Variants in AGBL1 observed in about 807,000 individuals in gnomAD.
The protein encoded by AGBL1 is AGBL carboxypeptidase 1.
Under a neutral mutation model 118.9 loss-of-function variants are expected in AGBL1, and 130 were observed. The ratio of observed to expected loss-of-function variants is 1.09; its 90% CI spans 0.95 to 1.26. The LOEUF (loss-of-function observed/expected upper bound fraction) is 1.26. Ranked by LOEUF, AGBL1 falls within the 50% of genes most tolerant of loss-of-function variation. The pLI, the probability that AGBL1 is intolerant of heterozygous loss-of-function variation, is 0.00. For missense variants in AGBL1, 1,584 were observed against 1,298.1 expected, an observed-to-expected ratio of 1.22 and a Z score of -3.38; for synonymous variants, 555 against 478.9, an observed-to-expected ratio of 1.16 and a Z score of -2.08.
intron 18 of AGBL1, among the ~76,000 whole-genome samples, chr15:86,457,085 A>G (rs2142078894): frequency 6.6e-6 from 1 of 152,260 alleles, no homozygotes; most frequent in East Asian, 1.9e-4. Context: ...CCACATTCGA[A>G]AAAAATTTCA....
rs535707426 is a variant in AGBL1 at position 86,286,735 on chromosome 15, G to GTATATATATATATATA, written c.2220+6966_2220+6967insTATATATATATATATA. Among the ~76,000 whole-genome samples the GTATATATATATATATA allele has an allele frequency of 4.1e-4, 44 of 106,292 alleles. 1 individual carries two copies. The highest frequency in any genetic ancestry group is 1.3e-3 in the African/African-American group (34 of 25,768). The allele number at this position is 106,292 out of a possible 152,430, so 69.7% of individuals were successfully genotyped here. On this transcript the variant is annotated intron_variant, in intron 16 of 22. Coordinates refer to ENST00000614907, the MANE Select transcript of AGBL1 (RefSeq NM_001386094.1). ...TATATGTGTGTGTGTGTTTGTGTGTGTATATATATATATAAAACTCCATCA... is the reference window on the plus strand; with the variant it reads ...TATATGTGTGTGTGTGTTTGTGTGTGTATATATATATATATATATATATATATATAAAACTCCATCA...
intron 23 of AGBL1, among the ~76,000 whole-genome samples, chr15:86,964,967 T>A (rs1040737744): frequency 3.9e-5 from 6 of 152,202 alleles, no homozygotes; most frequent in African/African-American, 1.4e-4. Context: ...GAACTCATCC[T>A]TTTTTACAGC....
intron 21 of AGBL1, among the ~76,000 whole-genome samples, chr15:86,576,033 A>T (rs1424161016): frequency 1.3e-5 from 2 of 152,248 alleles, no homozygotes; most frequent in Non-Finnish European, 2.9e-5. Context: ...AAATTAGTGA[A>T]ATAAACAATT....
chr15:86,718,025 C>T (rs1177857203), intron 22 of AGBL1, among the ~76,000 whole-genome samples: 3 of 152,058 alleles, frequency 2.0e-5, no homozygotes, highest in Non-Finnish European at 4.4e-5. Flanking sequence ...TTGCAGTAAG[C>T]CAACATTGTG....
At chr15:86,452,180 C>G (rs1282654439) in intron 18 of AGBL1, among the ~76,000 whole-genome samples, 4 of 152,114 alleles carry the variant, frequency 2.6e-5, no homozygotes, top group African/African-American at 9.7e-5. Flanking sequence ...TCCCTGTTCC[C>G]CATTATAGGC....
intron 23 of AGBL1, among the ~76,000 whole-genome samples, chr15:86,977,198 A>G (rs1393582960): frequency 6.6e-6 from 1 of 151,994 alleles, no homozygotes; most frequent in Non-Finnish European, 1.5e-5. Flanking sequence ...TCCATCAAAT[A>G]TCACTTATAT....
At chr15:86,941,181 T>C (rs542512803) in intron 23 of AGBL1, among the ~76,000 whole-genome samples, 2 of 152,336 alleles carry the variant, frequency 1.3e-5, no homozygotes, top group East Asian at 3.9e-4. Flanking sequence ...TGAATGGATA[T>C]ATTTGAAGAG....
chr15:86,926,181 G>T (rs538512502), intron 23 of AGBL1, among the ~76,000 whole-genome samples: 1 of 151,330 alleles, frequency 6.6e-6, no homozygotes, highest in Non-Finnish European at 1.5e-5. Flanking sequence ...TTCTCTTTAG[G>T]TCTGTAAGCC....
intron 1 of AGBL1, among the ~76,000 whole-genome samples, chr15:86,086,098 C>T (rs540647530): frequency 1.1e-4 from 17 of 152,286 alleles, no homozygotes; most frequent in Admixed American, 5.9e-4. Context: ...CAACAGCGAC[C>T]CACGCCTACA....
Position 86,264,568 on chromosome 15 carries a change from A to T in AGBL1, c.1397A>T (p.Asp466Val). ...GACATTCAGGCTTCCCCGAAAGCAG[A>T]TGCCTGGGACGTAGATGCAATTTTC... ...IPDIQASPKA[D>V]AWDVDAIFCP... Residue 466 changes from aspartate (D) to valine (V), a missense_variant, in exon 11 of 23, where the codon GAT (aspartate) becomes GTT (valine). Coordinates refer to ENST00000614907, the MANE Select transcript of AGBL1 (RefSeq NM_001386094.1). The T allele has an allele frequency of 2.5e-6, 4 of 1,614,036 alleles. No individual in the cohort carries two copies. Among genetic ancestry groups the T allele is most frequent in the Non-Finnish European group, 3.4e-6 (4 of 1,179,886 alleles).
chr15:86,817,589 CACACAG>C (rs1358927807), intron 22 of AGBL1, among the ~76,000 whole-genome samples: 1 of 148,410 alleles, frequency 6.7e-6, no homozygotes, highest in Non-Finnish European at 1.5e-5. Context: ...CACACACACA[CACACAG>C]AGGAGAGAGA....
At chr15:87,007,179 CAG>C (rs1188771646) in intron 24 of AGBL1, among the ~76,000 whole-genome samples, 1 of 151,998 alleles carries the variant, frequency 6.6e-6, no homozygotes, top group Non-Finnish European at 1.5e-5. Context: ...TTGAAATATA[CAG>C]TACATTTTTT....
intron 5 of AGBL1, among the ~76,000 whole-genome samples, chr15:86,178,558 C>T (rs534119303): frequency 3.9e-5 from 6 of 152,126 alleles, no homozygotes; most frequent in African/African-American, 1.4e-4. Flanking sequence ...ACCTATATAG[C>T]CCTATATTTG....
At chr15:86,099,350 A>G (rs1896571519) in intron 1 of AGBL1, among the ~76,000 whole-genome samples, 1 of 151,968 alleles carries the variant, frequency 6.6e-6, no homozygotes, top group Non-Finnish European at 1.5e-5. Context: ...GTAGTTTTTT[A>G]TTGGTTATTT....
intron 22 of AGBL1, among the ~76,000 whole-genome samples, chr15:86,713,486 C>A (rs974978927): frequency 3.3e-5 from 5 of 152,146 alleles, no homozygotes; most frequent in Admixed American, 6.5e-5. Flanking sequence ...ATGGTTGTTA[C>A]AATTATAAGT....
chr15:86,103,026 T>C (rs1335273306), intron 1 of AGBL1, among the ~76,000 whole-genome samples: 1 of 152,206 alleles, frequency 6.6e-6, no homozygotes, highest in East Asian at 1.9e-4. Flanking sequence ...TTTTTATCTT[T>C]GGGTTTTTTT....
At chr15:86,640,069 A>G (rs557072168) in intron 21 of AGBL1, among the ~76,000 whole-genome samples, 1 of 152,306 alleles carries the variant, frequency 6.6e-6, no homozygotes, top group South Asian at 2.1e-4. Context: ...GTAATACTCT[A>G]TATACATGTC....
chr15:86,160,947 G>A (rs1001065890), intron 5 of AGBL1, among the ~76,000 whole-genome samples: 2 of 152,132 alleles, frequency 1.3e-5, no homozygotes, highest in African/African-American at 2.4e-5. Context: ...GTGGGGTAGC[G>A]GGGAGAAATC....
At chr15:86,156,917 C>G (rs1201196649) in intron 4 of AGBL1, among the ~76,000 whole-genome samples, 1 of 151,272 alleles carries the variant, frequency 6.6e-6, no homozygotes, top group East Asian at 1.9e-4. Context: ...AGCCTCCCGA[C>G]TAGCTGGGAT....
Sources: allele counts gnomAD v4.1 joint callset (sites outside exome capture counted in the v4.1 genomes callset), GRCh38; gene constraint gnomAD v4.1.1; transcripts MANE v1.5; gene names NCBI Gene and HGNC (gene_info 2026-07-23, HGNC 2026-07-21).